The following SLAMF7 variants were observed in gnomAD, a reference collection of about 807,000 sequenced individuals.
The protein encoded by SLAMF7 is 19A24 protein.
Under a neutral mutation model 34.1 loss-of-function variants are expected in SLAMF7, and 26 were observed. The ratio of observed to expected loss-of-function variants is 0.76; its 90% CI spans 0.56 to 1.06. SLAMF7 has a LOEUF of 1.06. Among genes scored for constraint, SLAMF7 ranks in the 50% least tolerant of loss-of-function variants. The pLI is 0.00. For missense variants in SLAMF7, 399 were observed against 402.5 expected, an observed-to-expected ratio of 0.99 and a Z score of 0.07; for synonymous variants, 171 against 156.4, an observed-to-expected ratio of 1.09 and a Z score of -0.70.
At chr1:160,745,872 T>G (rs144253764) in intron 1 of SLAMF7, among the ~76,000 whole-genome samples, 1,917 of 152,364 alleles carry the variant, frequency 0.013, 26 homozygotes, top group Middle Eastern at 0.071. Flanking sequence ...AGAATAAACA[T>G]TTAATACATG....
At chr1:160,747,622 C>T (rs1224026421) in intron 1 of SLAMF7, among the ~76,000 whole-genome samples, 1 of 152,178 alleles carries the variant, frequency 6.6e-6, no homozygotes, top group Non-Finnish European at 1.5e-5. Flanking sequence ...TCACTTGAAC[C>T]CAGGACGTGG....
rs1195322124 is a variant in SLAMF7 at position 160,751,330 on chromosome 1, C to T, written c.770-15C>T. 6.3e-7 allele frequency: 1 copy of T among 1,598,446 alleles called. No individual in the cohort carries two copies. Among genetic ancestry groups the T allele is most frequent in the Admixed American group, 1.7e-5 (1 of 59,962 alleles). ...TTGGAGAGGTGGCTTTGATTCTCTC[C>T]CAACTTGCTTTTAGAGTACATTGAA... On this transcript the variant is annotated splice_polypyrimidine_tract_variant and intron_variant, in intron 4 of 6. Transcript: ENST00000368043.
At chr1:160,743,296 A>T (rs1417530129) in intron 1 of SLAMF7, among the ~76,000 whole-genome samples, 1 of 152,232 alleles carries the variant, frequency 6.6e-6, no homozygotes, top group Non-Finnish European at 1.5e-5. Context: ...TAAGATTTAC[A>T]TGAACAGAGA....
chr1:160,752,363 AC>A (rs1664704858), intron 6 of SLAMF7, 115 bp downstream of exon 6: 2 of 723,296 alleles, frequency 2.8e-6, no homozygotes, highest in Non-Finnish European at 4.7e-6. Context: ...ATTAAAAAGT[AC>A]CCTAGTAGTT....
At chr1:160,745,824 G>C (rs1283007610) in intron 1 of SLAMF7, among the ~76,000 whole-genome samples, 1 of 152,202 alleles carries the variant, frequency 6.6e-6, no homozygotes, top group African/African-American at 2.4e-5. Flanking sequence ...GGATTGCTTT[G>C]AGTGTTAGGC....
At position 160,748,330 on chromosome 1, in the gene SLAMF7, G is replaced by A; in HGVS notation, c.192G>A (p.Gln64=). 6.2e-7 allele frequency: 1 copy of A among 1,614,046 alleles called. No individual in the cohort carries two copies. The highest frequency in any genetic ancestry group is 1.1e-5 in the South Asian group (1 of 91,078). ...TFNTTPLVTI[Q]PEGGTIIVTQ... ...ACACAACCCCTCTTGTCACCATACA[G>A]CCAGAAGGGGGCACTATCATAGTGA... The change falls in exon 2 of 7, where the codon CAG becomes CAA. Residue 64 remains glutamine, a synonymous_variant. Transcript: ENST00000368043.
intron 4 of SLAMF7, chr1:160,750,688 G>T: frequency 2.9e-6 from 1 of 347,286 alleles, no homozygotes; most frequent in Non-Finnish European, 5.3e-6. Context: ...TCTCCCAGAG[G>T]GACATCCTGA....
At chr1:160,748,887 G>C (rs1277161036) in intron 2 of SLAMF7, among the ~76,000 whole-genome samples, 3 of 152,112 alleles carry the variant, frequency 2.0e-5, no homozygotes, top group Admixed American at 6.6e-5. Flanking sequence ...GCAAAATATC[G>C]ATCACATCTC....
chr1:160,751,250 T>G, intron 4 of SLAMF7, 95 bp from the exon 5 acceptor site: 1 of 864,430 alleles, frequency 1.2e-6, no homozygotes, highest in Non-Finnish European at 1.9e-6. Context: ...GGCTGGTTGG[T>G]CACCCTAAGT....
At chr1:160,749,746 A>C (rs1265709770) in intron 2 of SLAMF7, 75 bp from the exon 3 acceptor site, 8 of 1,339,562 alleles carry the variant, frequency 6.0e-6, no homozygotes, top group African/African-American at 1.5e-5. Flanking sequence ...TTCAGGTCCA[A>C]GGTATCCAAG....
chr1:160,745,248 A>C (rs1664034563), intron 1 of SLAMF7, among the ~76,000 whole-genome samples: 1 of 152,178 alleles, frequency 6.6e-6, no homozygotes, highest in East Asian at 1.9e-4. Flanking sequence ...CTGGTAGGGC[A>C]GTTTATGCTT....
At position 160,753,353 on chromosome 1, in the gene SLAMF7, C is replaced by A; in HGVS notation, c.*176C>A. ...TCTTTAGATTTAAGAGTTCATAATTCCATCCACTGCTGAGAAATCTCCTCA... is the reference window on the plus strand; with the variant it reads ...TCTTTAGATTTAAGAGTTCATAATTACATCCACTGCTGAGAAATCTCCTCA... On this transcript the variant is annotated 3_prime_UTR_variant, in exon 7 of 7. Coordinates refer to ENST00000368043, the MANE Select transcript of SLAMF7 (RefSeq NM_021181.5). 2 of 604,420 alleles carry A rather than the reference C, an allele frequency of 3.3e-6. No homozygotes were observed. Among genetic ancestry groups the A allele is most frequent in the South Asian group, 4.4e-5 (2 of 45,636 alleles). 37.4% of individuals were successfully genotyped at this position (604,420 alleles called of 1,614,324 possible).
intron 5 of SLAMF7, 66 bp from the exon 6 acceptor site, chr1:160,752,120 T>C (rs758404705): frequency 4.5e-5 from 59 of 1,307,332 alleles, no homozygotes; most frequent in Non-Finnish European, 6.4e-5. Flanking sequence ...AATGTCTCTC[T>C]GGCCTTGTCT....
chr1:160,742,541 G>A (rs951046562), intron 1 of SLAMF7, among the ~76,000 whole-genome samples: 11 of 152,258 alleles, frequency 7.2e-5, no homozygotes, highest in South Asian at 6.2e-4. Context: ...CTTGTCACCC[G>A]CATCCCACCT....
At chr1:160,751,505 G>A (rs901481664) in intron 5 of SLAMF7, 57 bp downstream of exon 5, 8 of 1,439,338 alleles carry the variant, frequency 5.6e-6, no homozygotes, top group Non-Finnish European at 6.8e-6. Context: ...CTCTCCTTGT[G>A]AGGTTTTTCC....
intron 6 of SLAMF7, 27 bp from the exon 7 acceptor site, chr1:160,753,079 C>T: frequency 6.2e-7 from 1 of 1,609,360 alleles, no homozygotes; most frequent in Non-Finnish European, 8.5e-7. Context: ...ACCTCCCTCA[C>T]TCTACTTTCT....
At chr1:160,746,068 G>A (rs1664104671) in intron 1 of SLAMF7, among the ~76,000 whole-genome samples, 1 of 152,154 alleles carries the variant, frequency 6.6e-6, no homozygotes, top group African/African-American at 2.4e-5. Flanking sequence ...TAAGAGAGCA[G>A]GCTGTGAAAT....
chr1:160,740,796 T>G (rs1289630603), intron 1 of SLAMF7, among the ~76,000 whole-genome samples: 1 of 152,184 alleles, frequency 6.6e-6, no homozygotes, highest in African/African-American at 2.4e-5. Flanking sequence ...TCCTCATGAG[T>G]CTGTAAGACA....
In SLAMF7 at chr1:160,748,209, G is replaced by A. The variant is rs767116561; in HGVS notation, c.71G>A (p.Gly24Glu). 2 of 1,613,966 alleles carry A rather than the reference G, an allele frequency of 1.2e-6. No individual in the cohort carries two copies. Among genetic ancestry groups the A allele is most frequent in the South Asian group, 1.1e-5 (1 of 91,076 alleles). ...GTGTTTATAGGGTCAGCAGCCTCTG[G>A]ACCCGTGAAAGAGCTGGTCGGTTCC... Reference protein sequence around the residue: ...LWQLTGSAASGPVKELVGSVG... With the variant: ...LWQLTGSAASEPVKELVGSVG... Residue 24 changes from glycine to glutamate, a missense_variant, in exon 2 of 7, where the codon GGA becomes GAA. By Grantham distance (98) the Gly-to-Glu change is moderately conservative. Transcript: ENST00000368043.
Sources: gnomAD v4.1 joint callset for allele counts (sites outside exome capture counted in the v4.1 genomes callset) on GRCh38, gnomAD v4.1.1 for gene constraint, MANE v1.5 for transcripts, NCBI Gene and HGNC (gene_info 2026-07-23, HGNC 2026-07-21) for gene names.